The following SLC2A13 variants were observed in gnomAD, a reference collection of about 807,000 sequenced individuals.
SLC2A13 encodes proton myo-inositol cotransporter.
Under a neutral mutation model 64.4 loss-of-function variants are expected in SLC2A13, and 32 were observed. That is an observed-to-expected ratio of 0.50 (90% CI 0.37 to 0.67). The LOEUF (loss-of-function observed/expected upper bound fraction) is 0.67, where lower values mean the gene tolerates loss of function less well. SLC2A13 is among the 30% of genes least tolerant of loss of function. The pLI is 0.00. For missense variants in SLC2A13, 743 were observed against 829.2 expected (o/e 0.90, Z 1.28); for synonymous variants, 338 against 327.1 (o/e 1.03, Z -0.36).
intron 4 of SLC2A13, among the ~76,000 whole-genome samples, chr12:39,918,981 CA>C (rs1387887019): frequency 6.6e-6 from 1 of 151,376 alleles, no homozygotes; most frequent in African/African-American, 2.4e-5. Context: ...TATATCTATA[CA>C]TTTTTTTTTT....
chr12:40,009,408 G>A (rs1353873966), intron 3 of SLC2A13, among the ~76,000 whole-genome samples: 1 of 152,062 alleles, frequency 6.6e-6, no homozygotes, highest in Non-Finnish European at 1.5e-5. Context: ...ATAGGAAATA[G>A]AACATTAAGG....
intron 6 of SLC2A13, among the ~76,000 whole-genome samples, chr12:39,837,699 T>G: frequency 6.6e-6 from 1 of 152,010 alleles, no homozygotes; most frequent in East Asian, 1.9e-4. Context: ...CAGACACTTC[T>G]CAAAAGAAGA....
chr12:39,999,502 T>C (rs1947289153), intron 3 of SLC2A13, among the ~76,000 whole-genome samples: 1 of 152,052 alleles, frequency 6.6e-6, no homozygotes, highest in Non-Finnish European at 1.5e-5. Context: ...AGGACTGAAA[T>C]ATGCCCTGGT....
chr12:40,031,299 TGCAACCTCC>T (rs1947900339), intron 2 of SLC2A13, among the ~76,000 whole-genome samples: 1 of 149,862 alleles, frequency 6.7e-6, no homozygotes, highest in African/African-American at 2.5e-5. Flanking sequence ...CTCGGCTCAC[TGCAACCTCC>T]GCCTCCCGGG....
At chr12:39,968,437 C>A (rs1462647585) in intron 3 of SLC2A13, among the ~76,000 whole-genome samples, 1 of 151,974 alleles carries the variant, frequency 6.6e-6, no homozygotes, top group African/African-American at 2.4e-5. Flanking sequence ...AGAGACACAG[C>A]CAAACATATC....
intron 4 of SLC2A13, among the ~76,000 whole-genome samples, chr12:39,896,352 GTATA>G (rs201813986): frequency 2.2e-5 from 2 of 90,896 alleles, no homozygotes; most frequent in African/African-American, 1.0e-4. Context: ...ATATATGTAT[GTATA>G]TGTGTATATA....
At chr12:40,007,065 C>T (rs928251371) in intron 3 of SLC2A13, among the ~76,000 whole-genome samples, 4 of 152,132 alleles carry the variant, frequency 2.6e-5, no homozygotes, top group African/African-American at 7.2e-5. Flanking sequence ...GTTCAACTTT[C>T]GTTTCTTTCT....
chr12:40,064,628 T>C (rs1937653375), intron 1 of SLC2A13, among the ~76,000 whole-genome samples: 1 of 152,142 alleles, frequency 6.6e-6, no homozygotes. Context: ...ACAGGCAAGC[T>C]ACATCTCATA....
In SLC2A13 at chr12:40,032,209, T is replaced by C. The variant is rs57754853; in HGVS notation, c.717-3700A>G. Among the ~76,000 whole-genome samples, 701 of 152,232 alleles carry C rather than the reference T, an allele frequency of 4.6e-3. 8 individuals carry two copies. Among genetic ancestry groups the C allele is most frequent in the African/African-American group, 0.015 (638 of 41,528 alleles). On this transcript the variant is annotated intron_variant, in intron 2 of 9. Coordinates refer to ENST00000280871, the MANE Select transcript of SLC2A13 (RefSeq NM_052885.4). ...GGCTGAGAACCAAGGATCTAAATGT[T>C]TTTAAAACCCAGGGTAAACATGAAC... is the stretch of plus-strand genomic sequence containing the variant.
At chr12:40,088,688 C>A (rs1391852717) in intron 1 of SLC2A13, among the ~76,000 whole-genome samples, 1 of 152,124 alleles carries the variant, frequency 6.6e-6, no homozygotes, top group Non-Finnish European at 1.5e-5. Context: ...TCACACTTTA[C>A]TTAAGATTAA....
At chr12:40,104,405 G>A (rs776678127) in intron 1 of SLC2A13, among the ~76,000 whole-genome samples, 2 of 152,098 alleles carry the variant, frequency 1.3e-5, no homozygotes, top group Non-Finnish European at 1.5e-5. Flanking sequence ...AAAATTCAAC[G>A]CCAGGAGAAC....
intron 1 of SLC2A13, among the ~76,000 whole-genome samples, chr12:40,050,406 G>C (rs1271634522): frequency 6.6e-6 from 1 of 152,132 alleles, no homozygotes; most frequent in Non-Finnish European, 1.5e-5. Context: ...CCCTGATAAA[G>C]TTCGATTATT....
chr12:39,808,368 A>G (rs990884736), intron 7 of SLC2A13, among the ~76,000 whole-genome samples: 2 of 152,142 alleles, frequency 1.3e-5, no homozygotes, highest in African/African-American at 4.8e-5. Flanking sequence ...ACATCTACGT[A>G]ATTTCCAATT....
chr12:39,821,326 C>T (rs1942502103), intron 7 of SLC2A13, among the ~76,000 whole-genome samples: 2 of 151,894 alleles, frequency 1.3e-5, no homozygotes, highest in South Asian at 2.1e-4. Flanking sequence ...AGGAGAATGG[C>T]GTGAACCCGG....
chr12:39,813,979 G>C (rs1053504179), intron 7 of SLC2A13, among the ~76,000 whole-genome samples: 3 of 152,176 alleles, frequency 2.0e-5, no homozygotes, highest in African/African-American at 7.2e-5. Flanking sequence ...ACAATTTCCA[G>C]TATGAGTGAT....
At chr12:39,905,335 G>A (rs1245542919) in intron 4 of SLC2A13, among the ~76,000 whole-genome samples, 1 of 152,112 alleles carries the variant, frequency 6.6e-6, no homozygotes, top group Non-Finnish European at 1.5e-5. Flanking sequence ...TAAACAGCCT[G>A]TAATACTGCT....
chr12:39,881,981 ACCAAAAT>A (rs1944347923), intron 4 of SLC2A13, among the ~76,000 whole-genome samples: 1 of 151,788 alleles, frequency 6.6e-6, no homozygotes, highest in Admixed American at 6.6e-5. Flanking sequence ...CTGCTCTACC[ACCAAAAT>A]CCTTTAAGTA....
Position 40,048,205 on chromosome 12 carries a change from C to T in SLC2A13, c.562G>A (p.Ala188Thr). 1 of 1,591,794 alleles carries T rather than the reference C, an allele frequency of 6.3e-7. No homozygotes were observed. Among genetic ancestry groups the T allele is most frequent in the Non-Finnish European group, 8.5e-7 (1 of 1,174,078 alleles). ...RLVVGLGIGI[A>T]SMTVPVYIAE... Reference sequence around the variant, plus strand: ...ATGTACACTGGCACTGTCATAGAAGCAATGCCTATAAAAACAATGAAAAGT... The same window carrying T: ...ATGTACACTGGCACTGTCATAGAAGTAATGCCTATAAAAACAATGAAAAGT... Residue 188 changes from alanine (A) to threonine (T), a missense_variant, in exon 2 of 10, where the codon GCT becomes ACT. Coordinates refer to ENST00000280871, the MANE Select transcript of SLC2A13 (RefSeq NM_052885.4).
intron 1 of SLC2A13, among the ~76,000 whole-genome samples, chr12:40,073,758 C>T (rs1476582449): frequency 1.3e-5 from 2 of 151,652 alleles, no homozygotes; most frequent in African/African-American, 2.4e-5. Context: ...CTTATCTTTG[C>T]TATTATATAG....
Sources: allele counts gnomAD v4.1 joint callset (sites outside exome capture counted in the v4.1 genomes callset), GRCh38; gene constraint gnomAD v4.1.1; transcripts MANE v1.5; gene names NCBI Gene and HGNC (gene_info 2026-07-23, HGNC 2026-07-21).